The following IFT172 variants were observed in gnomAD, a reference collection of about 807,000 sequenced individuals.
IFT172 encodes intraflagellar transport 172.
Under a neutral mutation model 248.9 loss-of-function variants are expected in IFT172, and 164 were observed. That is an observed-to-expected ratio of 0.66 (90% CI 0.58 to 0.75). IFT172 has a LOEUF of 0.75. Ranked by LOEUF, IFT172 falls within the 30% of genes least tolerant of loss-of-function variation. The pLI, the probability that IFT172 is intolerant of heterozygous loss-of-function variation, is 0.00. For missense variants in IFT172, 1,950 were observed against 2,192.4 expected (o/e 0.89, Z 2.21); for synonymous variants, 729 against 791.6 (o/e 0.92, Z 1.33).
chr2:27,454,342 G>C lies in IFT172; in HGVS notation c.3530+12C>G, dbSNP rs755760582. On this transcript the variant is annotated intron_variant, in intron 32 of 47. Coordinates refer to ENST00000260570, the MANE Select transcript of IFT172 (RefSeq NM_015662.3). The surrounding 1 kb of genome is among the most constrained non-coding windows in gnomAD (Gnocchi z 4.2). ...GGGGAAACAGTATTAAGGAATGTAT[G>C]GGGTAACTCACATGAGGACTGCCTC... The C allele has an allele frequency of 1.2e-5, 19 of 1,614,026 alleles. 1 individual carries two copies. The highest frequency in any genetic ancestry group is 1.0e-4 in the Admixed American group (6 of 60,018).
chr2:27,474,411 A>G (rs1667814774), intron 14 of IFT172, among the ~76,000 whole-genome samples: 1 of 152,252 alleles, frequency 6.6e-6, no homozygotes, highest in South Asian at 2.1e-4. Flanking sequence ...ATGGAAAAAA[A>G]TAAAATTAGA....
intron 35 of IFT172, among the ~76,000 whole-genome samples, chr2:27,450,951 G>T (rs1260343): frequency 0.48 from 68,462 of 142,926 alleles, 17,579 homozygotes; most frequent in African/African-American, 0.69. Context: ...ATTTTTACCT[G>T]TTTTTTTTTT....
intron 16 of IFT172, among the ~76,000 whole-genome samples, chr2:27,470,154 A>G (rs1235861547): frequency 6.6e-6 from 1 of 151,658 alleles, no homozygotes; most frequent in East Asian, 1.9e-4. Context: ...CTGAGGCAGG[A>G]GGATTGGCTG....
intron 40 of IFT172, 75 bp downstream of exon 40, chr2:27,448,840 C>A (rs1342945552): frequency 2.5e-6 from 2 of 793,394 alleles, no homozygotes; most frequent in Non-Finnish European, 4.6e-6. Flanking sequence ...GAAGATAGTT[C>A]CTGAGAAGAT....
chr2:27,454,471 G>A lies in IFT172; in HGVS notation c.3466-53C>T, dbSNP rs369917111. ...TGATGAGAAGGAGACTGGCATCACAGGCAGGCATGAGACTGGGGGTCTGCA... is the reference window on the plus strand; with the variant it reads ...TGATGAGAAGGAGACTGGCATCACAAGCAGGCATGAGACTGGGGGTCTGCA... On this transcript the variant is annotated intron_variant, in intron 31 of 47. Transcript: ENST00000260570. This position sits in a 1 kb window ranked among gnomAD's most constrained non-coding sequence, Gnocchi z 4.2. 2.7e-4 allele frequency: 439 copies of A among 1,613,280 alleles called. No homozygotes were observed. Among genetic ancestry groups the A allele is most frequent in the Non-Finnish European group, 3.2e-4 (372 of 1,179,400 alleles).
At chr2:27,457,802 G>C (rs1666283703) in intron 28 of IFT172, 39 bp downstream of exon 28, 4 of 1,614,026 alleles carry the variant, frequency 2.5e-6, no homozygotes, top group Non-Finnish European at 3.4e-6. Flanking sequence ...ATGGAGCCTG[G>C]TTGGGGAAGA....
chr2:27,450,563 G>A (rs1367033781), intron 35 of IFT172, among the ~76,000 whole-genome samples: 1 of 152,142 alleles, frequency 6.6e-6, no homozygotes, highest in African/African-American at 2.4e-5. Flanking sequence ...TCTAAATAAT[G>A]TGTGTGAGTA....
At position 27,466,681 on chromosome 2, in the gene IFT172, AAC is replaced by A. The variant is rs1272281855; in HGVS notation, c.1693-801_1693-800del. 3.3e-5 allele frequency among the ~76,000 whole-genome samples: 5 copies of A among 152,166 alleles called. No homozygotes were observed. In the East Asian group the frequency reaches 9.6e-4, roughly 29 times the overall value. ...GAAAAAGTAAACAATAACTACAAAC[AAC>A]AGTTTTAGATCTTCAAGAATTTCAG... On this transcript the variant is annotated intron_variant, in intron 16 of 47. Coordinates refer to ENST00000260570, the MANE Select transcript of IFT172 (RefSeq NM_015662.3).
At chr2:27,446,680 ATTTTTTTTTTTTTTTTTT>A (rs766069964) in intron 42 of IFT172, among the ~76,000 whole-genome samples, 42 of 80,466 alleles carry the variant, frequency 5.2e-4, no homozygotes, top group Admixed American at 1.4e-3. Flanking sequence ...TGCCTGGCTA[ATTTTTTTTTTTTTTTTTT>A]TTTTTTTTTT....
At position 27,471,012 on chromosome 2, in the gene IFT172, G is replaced by A. The variant is rs749114212; in HGVS notation, c.1608C>T (p.Asp536=). Residue 536 remains aspartate (D), a synonymous_variant, in exon 16 of 48, where the codon GAC becomes GAT. Transcript: ENST00000260570. ...CSYMQWVPGS[D]VLVAQNRNSL... is the part of the protein sequence containing the mutation. ...TGTTTCGGTTCTGAGCTACCAGCAC[G>A]TCACTTCCTGGGACCCACTGCATAT... 148 of 1,613,880 alleles carry A rather than the reference G, an allele frequency of 9.2e-5. No individual in the cohort carries two copies. The highest frequency in any genetic ancestry group is 1.8e-4 in the Admixed American group (11 of 59,940).
At chr2:27,479,248 G>A (rs974266281) in intron 10 of IFT172, among the ~76,000 whole-genome samples, 13 of 152,098 alleles carry the variant, frequency 8.5e-5, no homozygotes, top group African/African-American at 2.6e-4. Context: ...CTTGTGATCC[G>A]CCCGCCTCGG....
chr2:27,489,695 T>G lies in IFT172; in HGVS notation c.-42A>C, dbSNP rs1241228067. The G allele has an allele frequency of 6.4e-7, 1 of 1,556,180 alleles. No homozygotes were observed. Among genetic ancestry groups the G allele is most frequent in the East Asian group, 2.3e-5 (1 of 43,542 alleles). On this transcript the variant is annotated 5_prime_UTR_variant, in exon 1 of 48. Transcript: ENST00000260570. ...TCAGATGCTCCTAGACAGCGACAAC[T>G]CCCGTGGTTACCTGGACAACCCGCC...
At position 27,448,975 on chromosome 2, in the gene IFT172, C is replaced by G. The variant is rs772188107; in HGVS notation, c.4368G>C (p.Glu1456Asp). Reference protein sequence around the residue: ...VALYATHLIREGSSAQALALY... With the variant: ...VALYATHLIRDGSSAQALALY... The stretch of plus-strand genomic sequence containing the variant: ...GGGCCAATGCCTGGGCAGAGCTACC[C>G]TCCCGGATCAAGTGAGTTGCATACA... The change falls in exon 40 of 48, where the codon GAG (glutamate) becomes GAC (aspartate). Residue 1456 changes from glutamate (E) to aspartate (D), a missense_variant. Coordinates refer to ENST00000260570, the MANE Select transcript of IFT172 (RefSeq NM_015662.3). 4 of 1,612,894 alleles carry G rather than the reference C, an allele frequency of 2.5e-6. No homozygotes were observed. The South Asian group carries it at 4.4e-5, about 18-fold the overall frequency.
intron 16 of IFT172, 173 bp downstream of exon 16, chr2:27,470,755 T>C (rs1398120919): frequency 1.8e-6 from 1 of 560,726 alleles, no homozygotes; most frequent in African/African-American, 1.9e-5. Context: ...ATGTCAGGAA[T>C]CTGAAAAAGG....
chr2:27,477,644 G>A (rs368956213), intron 11 of IFT172, 32 bp from the exon 12 acceptor site: 9 of 1,427,682 alleles, frequency 6.3e-6, no homozygotes, highest in Non-Finnish European at 7.9e-6. Context: ...GAAGCAATGT[G>A]GATAAATACC....
chr2:27,461,986 G>A, intron 20 of IFT172, 150 bp from the exon 21 acceptor site: 1 of 747,232 alleles, frequency 1.3e-6, no homozygotes, highest in Non-Finnish European at 2.2e-6. Flanking sequence ...GAAACTAAAA[G>A]AAGCTTAAGC....
intron 20 of IFT172, 108 bp from the exon 21 acceptor site, chr2:27,461,944 C>T (rs1666711964): frequency 9.0e-6 from 10 of 1,113,174 alleles, no homozygotes; most frequent in Non-Finnish European, 2.7e-6. Flanking sequence ...GGACCAAAAG[C>T]CTTTTAACTA....
intron 29 of IFT172, 122 bp from the exon 30 acceptor site, chr2:27,456,775 T>C: frequency 7.2e-7 from 1 of 1,393,750 alleles, no homozygotes; most frequent in Non-Finnish European, 9.6e-7. Context: ...CTGGGTGTGG[T>C]GGCTCATACC....
At chr2:27,461,205 C>A (rs1666634854) in intron 22 of IFT172, 64 bp downstream of exon 22, 5 of 1,612,156 alleles carry the variant, frequency 3.1e-6, no homozygotes, top group Middle Eastern at 1.7e-4. Context: ...CCCCAAGACT[C>A]CTCTGGGTAA....
Sources: gnomAD v4.1 joint callset for allele counts (sites outside exome capture counted in the v4.1 genomes callset) on GRCh38, gnomAD v4.1.1 for gene constraint, Gnocchi (gnomAD v3.1) non-coding constraint, MANE v1.5 for transcripts, NCBI Gene and HGNC (gene_info 2026-07-23, HGNC 2026-07-21) for gene names.